Variants in PDE4D observed in about 807,000 individuals in gnomAD.
The protein encoded by PDE4D is 3',5'-cyclic-AMP phosphodiesterase 4D.
Under a neutral mutation model 87.4 loss-of-function variants are expected in PDE4D, and 24 were observed. That is an observed-to-expected ratio of 0.27 (90% CI 0.20 to 0.39). The LOEUF is 0.39. PDE4D is among the 10% of genes least tolerant of loss of function. The probability of loss-of-function intolerance (pLI) is 1.00; values close to 1 mark genes in which losing one functional copy is unlikely to be tolerated. For synonymous variants in PDE4D, 384 were observed against 383.2 expected (o/e 1.00, Z -0.02); for missense variants, 714 against 1,041.0 (o/e 0.69, Z 4.32).
At chr5:60,381,229 T>A (rs1392551203) in intron 1 of PDE4D, among the ~76,000 whole-genome samples, 1 of 152,196 alleles carries the variant, frequency 6.6e-6, no homozygotes, top group East Asian at 1.9e-4. Context: ...AGGTGCTGCA[T>A]GACTATGTGG....
At chr5:59,623,757 T>A (rs891112664) in intron 1 of PDE4D, among the ~76,000 whole-genome samples, 13 of 152,342 alleles carry the variant, frequency 8.5e-5, no homozygotes, top group Middle Eastern at 3.4e-3. Flanking sequence ...TGAATCGTGC[T>A]ATTTACATTT....
At chr5:59,813,124 A>G (rs759678349) in intron 1 of PDE4D, among the ~76,000 whole-genome samples, 10 of 152,214 alleles carry the variant, frequency 6.6e-5, no homozygotes, top group Non-Finnish European at 1.5e-4. Flanking sequence ...GTCCAAGGAC[A>G]ATCTGTTTGG....
At chr5:60,053,924 CAT>C (rs1470811615) in intron 2 of PDE4D, among the ~76,000 whole-genome samples, 2 of 152,168 alleles carry the variant, frequency 1.3e-5, no homozygotes, top group Non-Finnish European at 2.9e-5. Context: ...GGCCAACAAA[CAT>C]ATAAACAAAG....
intron 1 of PDE4D, among the ~76,000 whole-genome samples, chr5:60,422,689 T>C (rs1561236447): frequency 6.6e-6 from 1 of 152,130 alleles, no homozygotes; most frequent in Non-Finnish European, 1.5e-5. Context: ...AATTCACACA[T>C]AACAATATTA....
intron 1 of PDE4D, among the ~76,000 whole-genome samples, chr5:59,729,780 A>G (rs184436666): frequency 2.3e-4 from 35 of 152,232 alleles, no homozygotes; most frequent in African/African-American, 8.2e-4. Context: ...ATATAATTCT[A>G]GCTATATTTA....
rs578195875 is a variant in PDE4D at position 59,618,640 on chromosome 5, A to T, written c.455+274528T>A. ...CAGATTAGTGGGAGTAAGCAAAGCC[A>T]AACACAGAGGATACAGTCAGGAGGT... On this transcript the variant is annotated intron_variant, in intron 1 of 14. Transcript: ENST00000340635. Among the ~76,000 whole-genome samples the T allele has an allele frequency of 2.8e-4, 42 of 152,204 alleles. 1 individual carries two copies. The highest frequency in any genetic ancestry group is 6.6e-5 in the Admixed American group (1 of 15,264).
At chr5:60,112,903 G>C (rs2063584634) in intron 2 of PDE4D, among the ~76,000 whole-genome samples, 1 of 152,096 alleles carries the variant, frequency 6.6e-6, no homozygotes, top group Admixed American at 6.6e-5. Flanking sequence ...TTCCAGAAGA[G>C]AGAAGGTTCA....
chr5:59,752,370 T>C (rs1760603596), intron 1 of PDE4D, among the ~76,000 whole-genome samples: 1 of 152,228 alleles, frequency 6.6e-6, no homozygotes, highest in African/African-American at 2.4e-5. Context: ...GAATTAGTAA[T>C]AGTTCCACTT....
chr5:60,280,565 T>C (rs1016735039), intron 1 of PDE4D, among the ~76,000 whole-genome samples: 2 of 152,074 alleles, frequency 1.3e-5, no homozygotes, highest in African/African-American at 4.8e-5. Context: ...CAGGAACAAG[T>C]ACAAGCCAAA....
intron 1 of PDE4D, among the ~76,000 whole-genome samples, chr5:59,683,416 T>C (rs929316931): frequency 1.9e-4 from 29 of 152,230 alleles, no homozygotes; most frequent in Admixed American, 1.1e-3. Flanking sequence ...ATATTAACTT[T>C]ATGGCTTATA....
At chr5:58,977,058 C>CAG in intron 12 of PDE4D, 133 bp downstream of exon 12, 1 of 778,420 alleles carries the variant, frequency 1.3e-6, no homozygotes, top group Non-Finnish European at 2.0e-6. Context: ...TCACGGGCAG[C>CAG]TTCTATAACA....
At chr5:59,875,460 CAAAAAAAAAAAA>C (rs3062667) in intron 1 of PDE4D, among the ~76,000 whole-genome samples, 6 of 39,694 alleles carry the variant, frequency 1.5e-4, no homozygotes, top group Non-Finnish European at 2.1e-4. Flanking sequence ...ACCTCCGTCT[CAAAAAAAAAAAA>C]AAAAAAAAAA....
chr5:60,450,735 T>G (rs372566663), intron 1 of PDE4D, among the ~76,000 whole-genome samples: 11 of 152,204 alleles, frequency 7.2e-5, no homozygotes, highest in Admixed American at 2.0e-4. Flanking sequence ...CTGGCCAAAT[T>G]GAACTGGATA....
At chr5:59,130,750 G>T (rs143810390) in intron 5 of PDE4D, among the ~76,000 whole-genome samples, 30 of 152,276 alleles carry the variant, frequency 2.0e-4, no homozygotes, top group Non-Finnish European at 3.5e-4. Context: ...AAAAGTTCTT[G>T]TTTCTAATGG....
intron 1 of PDE4D, among the ~76,000 whole-genome samples, chr5:59,259,985 C>T (rs757059179): frequency 3.3e-5 from 5 of 151,748 alleles, no homozygotes; most frequent in Non-Finnish European, 5.9e-5. Flanking sequence ...TTTTTTTCTA[C>T]AAAACTTTAT....
chr5:59,314,647 G>T (rs1773342512), intron 1 of PDE4D: 1 of 152,118 alleles, frequency 6.6e-6, no homozygotes, highest in Non-Finnish European at 1.5e-5. Flanking sequence ...GCAAGTAGAG[G>T]AACATATAAA....
intron 1 of PDE4D, among the ~76,000 whole-genome samples, chr5:60,494,680 A>G (rs1749718368): frequency 6.6e-6 from 1 of 152,186 alleles, no homozygotes; most frequent in Admixed American, 6.5e-5. Context: ...AGAGTAGCAG[A>G]TTAAAGCAGT....
chr5:59,902,028 C>T (rs1008495080), intron 3 of PDE4D, among the ~76,000 whole-genome samples: 1 of 149,812 alleles, frequency 6.7e-6, no homozygotes. Context: ...ATAACACAAG[C>T]TAGAAACAAA....
intron 1 of PDE4D, among the ~76,000 whole-genome samples, chr5:60,512,806 C>A (rs1044241682): frequency 1.3e-5 from 2 of 152,068 alleles, no homozygotes; most frequent in Non-Finnish European, 2.9e-5. Context: ...ATGATCGCAG[C>A]TGGGAAACTG....
Sources: allele counts gnomAD v4.1 joint callset (sites outside exome capture counted in the v4.1 genomes callset), GRCh38; gene constraint gnomAD v4.1.1; transcripts MANE v1.5; gene names NCBI Gene and HGNC (gene_info 2026-07-23, HGNC 2026-07-21).